Variants in CAMTA1 observed in about 807,000 individuals in gnomAD.
The protein encoded by CAMTA1 is calmodulin-binding transcription activator 1.
In CAMTA1, 27 loss-of-function variants were observed where a neutral mutation model predicts 170.9. The observed-to-expected ratio is 0.16, with a 90% CI of 0.12 to 0.22. The LOEUF (loss-of-function observed/expected upper bound fraction) is 0.22, where lower values mean the gene tolerates loss of function less well. Among genes scored for constraint, CAMTA1 ranks in the 10% least tolerant of loss-of-function variants. CAMTA1 has a pLI of 1.00. For missense variants in CAMTA1, 1,619 were observed against 2,217.2 expected, an observed-to-expected ratio of 0.73 and a Z score of 5.42; for synonymous variants, 833 against 891.5, an observed-to-expected ratio of 0.93 and a Z score of 1.17.
At chr1:7,530,157 C>T (rs1398324720) in intron 6 of CAMTA1, among the ~76,000 whole-genome samples, 3 of 152,174 alleles carry the variant, frequency 2.0e-5, no homozygotes, top group Admixed American at 6.5e-5. Context: ...GTGGCTGCCA[C>T]CCACACAGAA....
intron 6 of CAMTA1, among the ~76,000 whole-genome samples, chr1:7,512,790 G>T (rs906357631): frequency 6.6e-6 from 1 of 152,208 alleles, no homozygotes; most frequent in Non-Finnish European, 1.5e-5. Context: ...CCCTGAGAAG[G>T]TGTCTCCTGT....
chr1:7,038,251 C>T (rs1007897332), intron 3 of CAMTA1, among the ~76,000 whole-genome samples: 3 of 152,124 alleles, frequency 2.0e-5, no homozygotes, highest in African/African-American at 4.8e-5. Context: ...TGATCATGAG[C>T]ATTCAAAGGC....
chr1:7,123,960 G>T (rs1023386922), intron 4 of CAMTA1, among the ~76,000 whole-genome samples: 1 of 152,134 alleles, frequency 6.6e-6, no homozygotes, highest in Non-Finnish European at 1.5e-5. Flanking sequence ...GTGAACTTGG[G>T]CTGGACGTTC....
intron 4 of CAMTA1, among the ~76,000 whole-genome samples, chr1:7,198,420 G>C (rs1655980271): frequency 6.6e-6 from 1 of 152,042 alleles, no homozygotes; most frequent in South Asian, 2.1e-4. Flanking sequence ...TGCAAAGCTG[G>C]GTGCTGACCT....
At chr1:7,653,258 A>T (rs1487262478) in intron 7 of CAMTA1, among the ~76,000 whole-genome samples, 3 of 151,748 alleles carry the variant, frequency 2.0e-5, no homozygotes, top group Non-Finnish European at 4.4e-5. Flanking sequence ...TATTGTTATT[A>T]TTTTTTTCCC....
At chr1:7,091,248 C>T (rs1034674536) in intron 3 of CAMTA1, 56 bp from the exon 4 acceptor site, 2 of 1,324,854 alleles carry the variant, frequency 1.5e-6, no homozygotes, top group Non-Finnish European at 2.2e-6. Context: ...TTTCTTACCT[C>T]TCAGGATCCA....
intron 4 of CAMTA1, among the ~76,000 whole-genome samples, chr1:7,106,154 G>C (rs528909323): frequency 2.6e-5 from 4 of 152,190 alleles, no homozygotes; most frequent in African/African-American, 9.6e-5. Flanking sequence ...TATCTTACAG[G>C]CTGCTTACAA....
intron 7 of CAMTA1, among the ~76,000 whole-genome samples, chr1:7,645,431 C>A (rs1358150849): frequency 6.6e-6 from 1 of 152,262 alleles, no homozygotes. Context: ...CATTTCCCAG[C>A]AAGCTGTTGG....
Position 6,918,461 on chromosome 1 carries a change from G to A in CAMTA1, c.234+93251G>A, listed in dbSNP as rs1210878874. Among the ~76,000 whole-genome samples, 1 of 152,118 alleles carries A rather than the reference G, an allele frequency of 6.6e-6. No homozygotes were observed. Among genetic ancestry groups the A allele is most frequent in the African/African-American group, 2.4e-5 (1 of 41,410 alleles). On this transcript the variant is annotated intron_variant, in intron 3 of 22. Transcript: ENST00000303635. The surrounding 1 kb of genome is among the most constrained non-coding windows in gnomAD (Gnocchi z 4.0). Reference sequence around the variant, plus strand: ...ATTGGCAGTAATAGAAAAGTCATTGGAATAGAATGTTGTCACAGATAAATG... The same window carrying A: ...ATTGGCAGTAATAGAAAAGTCATTGAAATAGAATGTTGTCACAGATAAATG...
intron 21 of CAMTA1, among the ~76,000 whole-genome samples, chr1:7,752,805 C>A (rs1032363799): frequency 4.6e-5 from 7 of 152,188 alleles, no homozygotes; most frequent in African/African-American, 1.7e-4. Context: ...TCAACTTAGT[C>A]GGACTAGCTT....
chr1:6,786,221 C>T (rs1018071591), intron 1 of CAMTA1, among the ~76,000 whole-genome samples: 1 of 151,972 alleles, frequency 6.6e-6, no homozygotes. Context: ...GAGCGTCCCT[C>T]GGCCGAAGGG....
At chr1:7,180,511 CTTTTTTTTTTT>C (rs397862259) in intron 4 of CAMTA1, among the ~76,000 whole-genome samples, 2 of 71,164 alleles carry the variant, frequency 2.8e-5, no homozygotes, top group Admixed American at 2.1e-4. Context: ...TGTCACTAGA[CTTTTTTTTTTT>C]TTTTTTTTTT....
intron 10 of CAMTA1, among the ~76,000 whole-genome samples, chr1:7,671,636 CAG>C (rs1336097658): frequency 2.0e-5 from 3 of 152,222 alleles, no homozygotes; most frequent in African/African-American, 7.2e-5. Context: ...GAATGTAAAA[CAG>C]AGCCATCTAC....
Position 7,732,737 on chromosome 1 carries a change from A to ACGG in CAMTA1, c.3066+139_3066+141dup. On this transcript the variant is annotated intron_variant, in intron 12 of 22. Coordinates refer to ENST00000303635, the MANE Select transcript of CAMTA1 (RefSeq NM_015215.4). This position sits in a 1 kb window ranked among gnomAD's most constrained non-coding sequence, Gnocchi z 4.1. The stretch of plus-strand genomic sequence containing the variant: ...GGCAGAAGGCCTGAGGGAGTACTTT[A>ACGG]CGGTACCTGTGCTTTTAAGCATTAT... 2.4e-6 allele frequency: 3 copies of ACGG among 1,228,826 alleles called. No individual in the cohort carries two copies. Among genetic ancestry groups the ACGG allele is most frequent in the Non-Finnish European group, 3.3e-6 (3 of 901,100 alleles). The allele number at this position is 1,228,826 out of a possible 1,614,324, so 76.1% of individuals were successfully genotyped here.
chr1:7,272,555 C>T (rs551785193), intron 5 of CAMTA1, among the ~76,000 whole-genome samples: 1 of 151,662 alleles, frequency 6.6e-6, no homozygotes, highest in African/African-American at 2.4e-5. Flanking sequence ...ACGTATAAAT[C>T]AATGGAATAA....
intron 6 of CAMTA1, among the ~76,000 whole-genome samples, chr1:7,573,502 A>G (rs1181761341): frequency 6.6e-6 from 1 of 152,196 alleles, no homozygotes; most frequent in Non-Finnish European, 1.5e-5. Context: ...AACAGCAGAC[A>G]TTTATGCTCT....
At chr1:6,894,138 C>T (rs1247586166) in intron 3 of CAMTA1, among the ~76,000 whole-genome samples, 1 of 152,096 alleles carries the variant, frequency 6.6e-6, no homozygotes, top group East Asian at 1.9e-4. Flanking sequence ...GTTGGTGTGA[C>T]ATATGAATGA....
intron 5 of CAMTA1, among the ~76,000 whole-genome samples, chr1:7,365,709 G>A (rs1484076103): frequency 1.3e-5 from 2 of 152,176 alleles, no homozygotes; most frequent in South Asian, 2.1e-4. Context: ...GGCAGCCCCC[G>A]TTACCACTGG....
chr1:7,355,755 C>T (rs2085064350), intron 5 of CAMTA1, among the ~76,000 whole-genome samples: 1 of 152,226 alleles, frequency 6.6e-6, no homozygotes, highest in Admixed American at 6.5e-5. Flanking sequence ...CCTCTCAGGT[C>T]CACACTCTAG....
Sources: allele counts gnomAD v4.1 joint callset (sites outside exome capture counted in the v4.1 genomes callset), GRCh38; gene constraint gnomAD v4.1.1; non-coding constraint Gnocchi (gnomAD v3.1); transcripts MANE v1.5; gene names NCBI Gene and HGNC (gene_info 2026-07-23, HGNC 2026-07-21).